The following PCDHGB3 variants were observed in gnomAD, a reference collection of about 807,000 sequenced individuals.
The protein encoded by PCDHGB3 is protocadherin gamma-B3.
Under a neutral mutation model 59.2 loss-of-function variants are expected in PCDHGB3, and 40 were observed. The ratio of observed to expected loss-of-function variants is 0.68; its 90% CI spans 0.52 to 0.88. The LOEUF (loss-of-function observed/expected upper bound fraction) is 0.88. Ranked by LOEUF, PCDHGB3 falls within the 40% of genes least tolerant of loss-of-function variation. The pLI is 0.00. For synonymous variants in PCDHGB3, 581 were observed against 503.6 expected, an observed-to-expected ratio of 1.15 and a Z score of -2.06; for missense variants, 1,309 against 1,187.9, an observed-to-expected ratio of 1.10 and a Z score of -1.50.
At chr5:141,509,117 G>A (rs1271574654) in intron 3 of PCDHGB3, among the ~76,000 whole-genome samples, 1 of 152,150 alleles carries the variant, frequency 6.6e-6, no homozygotes, top group Admixed American at 6.5e-5. Flanking sequence ...GCGCTGGTGC[G>A]TGAAGAGAAA....
chr5:141,395,445 T>C (rs1257175969), intron 1 of PCDHGB3: 1 of 655,916 alleles, frequency 1.5e-6, no homozygotes, highest in East Asian at 2.9e-5. Context: ...TTGGAAAAGA[T>C]TGTTCAACCA....
intron 1 of PCDHGB3, chr5:141,427,959 C>A: frequency 1.3e-6 from 2 of 1,588,886 alleles, no homozygotes; most frequent in Non-Finnish European, 1.7e-6. Flanking sequence ...CAATGTGCCG[C>A]GGGTGCTGTA....
chr5:141,475,550 T>G (rs2099365082), intron 1 of PCDHGB3, among the ~76,000 whole-genome samples: 1 of 152,246 alleles, frequency 6.6e-6, no homozygotes, highest in Non-Finnish European at 1.5e-5. Flanking sequence ...AGGGTCCGGC[T>G]AATTGTCTGT....
intron 1 of PCDHGB3, chr5:141,383,722 G>C (rs752091789): frequency 1.2e-6 from 2 of 1,613,934 alleles, no homozygotes; most frequent in East Asian, 4.5e-5. Flanking sequence ...GGGAGTCAAT[G>C]GGGAAGTGAC....
At chr5:141,500,877 A>C (rs2099803156) in intron 2 of PCDHGB3, among the ~76,000 whole-genome samples, 1 of 122,292 alleles carries the variant, frequency 8.2e-6, no homozygotes, top group African/African-American at 3.9e-5. Flanking sequence ...TTCATTTACA[A>C]TTTTTTTTTT....
At chr5:141,418,621 C>G (rs765634746) in intron 1 of PCDHGB3, 2 of 1,613,916 alleles carry the variant, frequency 1.2e-6, no homozygotes, top group Non-Finnish European at 1.7e-6. Flanking sequence ...TTCGGGAAGA[C>G]GTGCCTCCAG....
intron 1 of PCDHGB3, chr5:141,376,285 C>T (rs1303749719): frequency 5.0e-6 from 8 of 1,614,112 alleles, no homozygotes; most frequent in Admixed American, 1.7e-5. Flanking sequence ...GCTTAGCGAG[C>T]ATGCCCGGCT....
intron 1 of PCDHGB3, chr5:141,407,996 TGG>T: frequency 1.1e-6 from 1 of 872,310 alleles, no homozygotes; most frequent in South Asian, 2.0e-5. Flanking sequence ...GCCTCTGGCC[TGG>T]GATTCCCTGC....
At chr5:141,418,630 A>G in intron 1 of PCDHGB3, 1 of 1,614,046 alleles carries the variant, frequency 6.2e-7, no homozygotes, top group Non-Finnish European at 8.5e-7. Context: ...ACGTGCCTCC[A>G]GGCACCTCCA....
chr5:141,372,258 C>A lies in PCDHGB3; in HGVS notation c.1864C>A (p.Arg622Ser), dbSNP rs762173867. ...GCCCGGGCTGTTCAGCCTGGGCCTG[C>A]GCACGGGTGAGGTGCGCACGGCGCG... ...SEPGLFSLGL[R>S]TGEVRTARTL... is the part of the protein sequence containing the mutation. Residue 622 changes from arginine to serine, a missense_variant, in exon 1 of 4, where the codon CGC becomes AGC. By Grantham distance (110) the Arg-to-Ser change is moderately radical. Transcript: ENST00000576222. 1.4e-5 allele frequency: 22 copies of A among 1,612,952 alleles called. No individual in the cohort carries two copies. Among genetic ancestry groups the A allele is most frequent in the Non-Finnish European group, 1.9e-5 (22 of 1,179,738 alleles).
At position 141,476,946 on chromosome 5, in the gene PCDHGB3, G is replaced by A; in HGVS notation, c.2416-17861G>A. ...ACGGATCTGGATGAAGGCCCCAACG[G>A]TGAAATTATTTACTCCTTCGGCAGC... On this transcript the variant is annotated intron_variant, in intron 1 of 3. Transcript: ENST00000576222. The surrounding 1 kb of genome is among the most constrained non-coding windows in gnomAD (Gnocchi z 7.6). The A allele has an allele frequency of 6.2e-7, 1 of 1,614,206 alleles. No individual in the cohort carries two copies. Among genetic ancestry groups the A allele is most frequent in the Non-Finnish European group, 8.5e-7 (1 of 1,180,044 alleles).
chr5:141,412,839 G>A, intron 1 of PCDHGB3: 1 of 203,324 alleles, frequency 4.9e-6, no homozygotes, highest in Admixed American at 5.8e-5. Context: ...TTAAAGATAG[G>A]AGTGGAGAAA....
chr5:141,420,186 C>A, intron 1 of PCDHGB3: 1 of 1,613,696 alleles, frequency 6.2e-7, no homozygotes, highest in Non-Finnish European at 8.5e-7. Context: ...CATTGTCCAG[C>A]CACACAAGAT....
At chr5:141,466,965 C>A (rs1345790988) in intron 1 of PCDHGB3, among the ~76,000 whole-genome samples, 1 of 152,016 alleles carries the variant, frequency 6.6e-6, no homozygotes, top group East Asian at 1.9e-4. Context: ...CAAATATTTT[C>A]TCACAGCTCA....
At chr5:141,492,068 G>A in intron 1 of PCDHGB3, 1 of 479,628 alleles carries the variant, frequency 2.1e-6, no homozygotes, top group Non-Finnish European at 3.7e-6. Flanking sequence ...AGCCTCCTAG[G>A]CGCCGGCTCC....
intron 1 of PCDHGB3, chr5:141,392,581 C>T: frequency 2.2e-6 from 1 of 463,442 alleles, no homozygotes; most frequent in Non-Finnish European, 3.8e-6. Context: ...GGACTGTAAG[C>T]GCCGCTGTTC....
chr5:141,409,351 G>T, intron 1 of PCDHGB3: 1 of 1,613,982 alleles, frequency 6.2e-7, no homozygotes, highest in South Asian at 1.1e-5. Flanking sequence ...GAGAAGTCAG[G>T]TGTAATATAG....
At chr5:141,405,498 C>T in intron 1 of PCDHGB3, 2 of 784,948 alleles carry the variant, frequency 2.5e-6, no homozygotes, top group Admixed American at 2.7e-5. Flanking sequence ...CGGCTCATTG[C>T]AACCTCCGCC....
chr5:141,399,569 G>A (rs1192197329), intron 1 of PCDHGB3: 1 of 1,613,888 alleles, frequency 6.2e-7, no homozygotes, highest in Non-Finnish European at 8.5e-7. Context: ...GGGTTGAACG[G>A]CCAAGTCTCC....
Sources: gnomAD v4.1 joint callset for allele counts (sites outside exome capture counted in the v4.1 genomes callset) on GRCh38, gnomAD v4.1.1 for gene constraint, Gnocchi (gnomAD v3.1) non-coding constraint, MANE v1.5 for transcripts, NCBI Gene and HGNC (gene_info 2026-07-23, HGNC 2026-07-21) for gene names.